BRIP1: variants seen among roughly 807,000 people sequenced by gnomAD.
BRIP1 encodes Fanconi anemia group J protein.
In BRIP1, 88 loss-of-function variants were observed where a neutral mutation model predicts 119.7. That is an observed-to-expected ratio of 0.74 (90% confidence interval 0.62 to 0.88). BRIP1 has a LOEUF of 0.88. Ranked by LOEUF, BRIP1 falls within the 40% of genes least tolerant of loss-of-function variation. The probability of loss-of-function intolerance (pLI) is 0.00; values close to 1 mark genes in which losing one functional copy is unlikely to be tolerated. For missense variants in BRIP1, 1,259 were observed against 1,455.4 expected, an observed-to-expected ratio of 0.87 and a Z score of 2.20; for synonymous variants, 443 against 496.5, an observed-to-expected ratio of 0.89 and a Z score of 1.43.
intron 16 of BRIP1, among the ~76,000 whole-genome samples, chr17:61,732,295 T>A (rs2076859117): frequency 6.6e-6 from 1 of 152,148 alleles, no homozygotes; most frequent in Non-Finnish European, 1.5e-5. Flanking sequence ...CTGAATAGTT[T>A]TATAATCTGA....
chr17:61,838,419 G>A (rs990263912), intron 6 of BRIP1, among the ~76,000 whole-genome samples: 1 of 151,796 alleles, frequency 6.6e-6, no homozygotes, highest in African/African-American at 2.4e-5. Flanking sequence ...GGTGACGGGC[G>A]CCTGTAGTCC....
Position 61,720,832 on chromosome 17 carries a change from A to G in BRIP1, c.2380-4769T>C, listed in dbSNP as rs2061960812. Among the ~76,000 whole-genome samples the G allele has an allele frequency of 1.3e-5, 2 of 152,100 alleles. No individual in the cohort carries two copies. Among genetic ancestry groups the G allele is most frequent in the South Asian group, 4.2e-4 (2 of 4,814 alleles). On this transcript the variant is annotated intron_variant, in intron 16 of 19. Coordinates refer to ENST00000259008, the MANE Select transcript of BRIP1 (RefSeq NM_032043.3). The surrounding 1 kb of genome is among the most constrained non-coding windows in gnomAD (Gnocchi z 4.3). Reference sequence around the variant, plus strand: ...AAACAAAGTATTTTCCGTGTACTCTATAACACTGTTAACTTTTTCTTTTTT... The same window carrying G: ...AAACAAAGTATTTTCCGTGTACTCTGTAACACTGTTAACTTTTTCTTTTTT...
chr17:61,773,636 T>C (rs2077491454), intron 14 of BRIP1, among the ~76,000 whole-genome samples: 1 of 151,992 alleles, frequency 6.6e-6, no homozygotes, highest in Non-Finnish European at 1.5e-5. Context: ...CAGAACATTC[T>C]GTAGGCTCCC....
chr17:61,801,677 T>C (rs1460756171), intron 7 of BRIP1, among the ~76,000 whole-genome samples: 1 of 152,234 alleles, frequency 6.6e-6, no homozygotes, highest in Non-Finnish European at 1.5e-5. Flanking sequence ...TGACTCAGAC[T>C]TAGATAGAAG....
chr17:61,745,662 C>A lies in BRIP1; in HGVS notation c.2098-1071G>T, dbSNP rs117119699. Among the ~76,000 whole-genome samples the A allele has an allele frequency of 1.3e-3, 203 of 152,218 alleles. 3 individuals carry two copies. In the East Asian group the frequency reaches 0.024, roughly 18 times the overall value. ...GAAATTACAGGTGTGAACCAACACA[C>A]GTGGCTGTAAAACTCATATTCTTAA... On this transcript the variant is annotated intron_variant, in intron 14 of 19. Coordinates refer to ENST00000259008, the MANE Select transcript of BRIP1 (RefSeq NM_032043.3). This position sits in a 1 kb window ranked among gnomAD's most constrained non-coding sequence, Gnocchi z 4.4.
chr17:61,829,208 T>G (rs2145602899), intron 6 of BRIP1, among the ~76,000 whole-genome samples: 1 of 152,120 alleles, frequency 6.6e-6, no homozygotes, highest in East Asian at 1.9e-4. Flanking sequence ...TTATCTTAAA[T>G]CTAAAGACAC....
rs754280136 is a variant in BRIP1, at chr17:61,780,293, G to T, written c.1903C>A (p.Leu635Met). The part of the protein sequence containing the change: ...SELGVTFTIQ[L>M]EANHIIKNSQ... ...TTTTTAATGATATGATTAGCCTCCAGCTGGATAGTAAATGTAACACCAAGT... is the reference window on the plus strand; with the variant it reads ...TTTTTAATGATATGATTAGCCTCCATCTGGATAGTAAATGTAACACCAAGT... Residue 635 changes from leucine to methionine, a missense_variant, in exon 13 of 20, where the codon CTG becomes ATG. By Grantham distance (15) the Leu-to-Met change is conservative. This residue lies in a region of BRIP1 where 753 missense variants were observed against 891.8 expected (regional missense o/e 0.84). Transcript: ENST00000259008. The surrounding 1 kb of genome is among the most constrained non-coding windows in gnomAD (Gnocchi z 5.4). 1.2e-6 allele frequency: 2 copies of T among 1,613,192 alleles called. No individual in the cohort carries two copies.
chr17:61,737,343 T>C (rs1051826270), intron 16 of BRIP1, among the ~76,000 whole-genome samples: 2 of 152,116 alleles, frequency 1.3e-5, no homozygotes, highest in African/African-American at 4.8e-5. Context: ...CACTTAGATA[T>C]AAGGAAATTG....
At position 61,845,550 on chromosome 17, in the gene BRIP1, AG is replaced by A. The variant is rs748625781; in HGVS notation, c.627+1550del. Among the ~76,000 whole-genome samples the A allele has an allele frequency of 2.0e-4, 31 of 152,354 alleles. No individual in the cohort carries two copies. Among genetic ancestry groups the A allele is most frequent in the South Asian group, 8.3e-4 (4 of 4,830 alleles). ...GTTATCACAAAGCTGCCAAGCTCAG[AG>A]TATATACAAATTTTTTAAAATTCTG... On this transcript the variant is annotated intron_variant, in intron 6 of 19. Coordinates refer to ENST00000259008, the MANE Select transcript of BRIP1 (RefSeq NM_032043.3). The surrounding 1 kb of genome is among the most constrained non-coding windows in gnomAD (Gnocchi z 4.2).
chr17:61,727,495 G>T (rs1433942749), intron 16 of BRIP1, among the ~76,000 whole-genome samples: 1 of 152,082 alleles, frequency 6.6e-6, no homozygotes, highest in African/African-American at 2.4e-5. Flanking sequence ...GGCCAGGTGT[G>T]GTGGCTCACG....
In BRIP1 at chr17:61,814,168, G is replaced by A. The variant is rs2078204493; in HGVS notation, c.628-5411C>T. On this transcript the variant is annotated intron_variant, in intron 6 of 19. Coordinates refer to ENST00000259008, the MANE Select transcript of BRIP1 (RefSeq NM_032043.3). The surrounding 1 kb of genome is among the most constrained non-coding windows in gnomAD (Gnocchi z 4.9). ...GGCTATATGGTCTCTTCTTCCATAGGAAGATATCTTTTATGATCGAAATGT... is the reference window on the plus strand; with the variant it reads ...GGCTATATGGTCTCTTCTTCCATAGAAAGATATCTTTTATGATCGAAATGT... 6.6e-6 allele frequency among the ~76,000 whole-genome samples: 1 copy of A among 152,036 alleles called. No homozygotes were observed. The highest frequency in any genetic ancestry group is 1.5e-5 in the Non-Finnish European group (1 of 67,932).
chr17:61,818,193 G>T (rs1461742789), intron 6 of BRIP1, among the ~76,000 whole-genome samples: 2 of 148,486 alleles, frequency 1.3e-5, no homozygotes, highest in Non-Finnish European at 3.0e-5. Flanking sequence ...TCTCTAAAAA[G>T]GGGGGAGGGG....
At chr17:61,685,710 T>A (rs755877768) in intron 19 of BRIP1, 126 bp downstream of exon 19, 13 of 887,648 alleles carry the variant, frequency 1.5e-5, no homozygotes, top group Non-Finnish European at 1.9e-5. Flanking sequence ...TTCACTATTT[T>A]ATGATAACAC....
intron 6 of BRIP1, among the ~76,000 whole-genome samples, chr17:61,836,166 C>T (rs943717549): frequency 7.3e-6 from 1 of 136,074 alleles, no homozygotes; most frequent in Non-Finnish European, 1.5e-5. Context: ...AGCTGGAATG[C>T]AGTGGCATGA....
rs968314507 is a variant in BRIP1, at chr17:61,845,931, A to T, written c.627+1170T>A. Among the ~76,000 whole-genome samples, 3 of 152,118 alleles carry T rather than the reference A, an allele frequency of 2.0e-5. No individual in the cohort carries two copies. Among genetic ancestry groups the T allele is most frequent in the Non-Finnish European group, 4.4e-5 (3 of 68,032 alleles). On this transcript the variant is annotated intron_variant, in intron 6 of 19. Coordinates refer to ENST00000259008, the MANE Select transcript of BRIP1 (RefSeq NM_032043.3). The surrounding 1 kb of genome is among the most constrained non-coding windows in gnomAD (Gnocchi z 4.2). ...ATGATGCTGGAAAACTATTATTAAC[A>T]TAGGTTGGGTTGAGGCCAAGGTGGG...
chr17:61,679,994 C>T lies in BRIP1; in HGVS notation c.*3302G>A. Among the ~76,000 whole-genome samples, 1 of 152,138 alleles carries T rather than the reference C, an allele frequency of 6.6e-6. No individual in the cohort carries two copies. Among genetic ancestry groups the T allele is most frequent in the South Asian group, 2.1e-4 (1 of 4,822 alleles). ...AAGGGTTGTGACACATCTCTATGTA[C>T]ATTCTCAGTAATGAAAATTTTTAAC... is the stretch of plus-strand genomic sequence containing the variant. On this transcript the variant is annotated 3_prime_UTR_variant, in exon 20 of 20. Transcript: ENST00000259008. The surrounding 1 kb of genome is among the most constrained non-coding windows in gnomAD (Gnocchi z 4.4).
In BRIP1 at chr17:61,860,477, C is replaced by T. The variant is rs914069853; in HGVS notation, c.94-570G>A. Among the ~76,000 whole-genome samples the T allele has an allele frequency of 2.0e-5, 3 of 151,962 alleles. No individual in the cohort carries two copies. Among genetic ancestry groups the T allele is most frequent in the Non-Finnish European group, 4.4e-5 (3 of 67,962 alleles). On this transcript the variant is annotated intron_variant, in intron 2 of 19. Transcript: ENST00000259008. The surrounding 1 kb of genome is among the most constrained non-coding windows in gnomAD (Gnocchi z 4.1). The stretch of plus-strand genomic sequence containing the variant: ...GAGTTCGAGACCAGCCTGGCCAACA[C>T]GGTGAAAACCCGTCTCTACTAAAAA...
At chr17:61,817,096 T>C (rs1435113882) in intron 6 of BRIP1, among the ~76,000 whole-genome samples, 2 of 152,202 alleles carry the variant, frequency 1.3e-5, no homozygotes, top group Non-Finnish European at 2.9e-5. Context: ...ATCAATGGTA[T>C]TGAGACTAAC....
chr17:61,740,171 G>A lies in BRIP1; in HGVS notation c.2379+2842C>T, dbSNP rs191709873. ...ACAAGCAGAGCGCAGTGGTCCTGTT[G>A]AGCTGAGGTGGAAGAGATCAGAATA... On this transcript the variant is annotated intron_variant, in intron 16 of 19. Coordinates refer to ENST00000259008, the MANE Select transcript of BRIP1 (RefSeq NM_032043.3). The surrounding 1 kb of genome is among the most constrained non-coding windows in gnomAD (Gnocchi z 5.4). Among the ~76,000 whole-genome samples the A allele has an allele frequency of 3.4e-4, 52 of 152,188 alleles. No homozygotes were observed. The East Asian group carries it at 0.01, about 30-fold the overall frequency.
Sources: gnomAD v4.1 joint callset for allele counts (sites outside exome capture counted in the v4.1 genomes callset) on GRCh38, gnomAD v4.1.1 for gene constraint, gnomAD v4.1.1 regional missense constraint, Gnocchi (gnomAD v3.1) non-coding constraint, MANE v1.5 for transcripts, NCBI Gene and HGNC (gene_info 2026-07-23, HGNC 2026-07-21) for gene names.